Variants in SBF2 observed in about 807,000 individuals in gnomAD.
SBF2 encodes myotubularin-related protein 13.
SBF2 carries 112 observed loss-of-function variants against 225.2 expected under a neutral mutation model. The ratio of observed to expected loss-of-function variants is 0.50; its 90% confidence interval spans 0.43 to 0.58. The LOEUF is 0.58. Ranked by LOEUF, SBF2 falls within the 20% of genes least tolerant of loss-of-function variation. The pLI is 0.00. For missense variants in SBF2, 1,996 were observed against 2,206.2 expected, an observed-to-expected ratio of 0.90 and a Z score of 1.91; for synonymous variants, 763 against 773.3, an observed-to-expected ratio of 0.99 and a Z score of 0.22.
chr11:10,033,010 ACTAT>A (rs1474746825), intron 3 of SBF2, among the ~76,000 whole-genome samples: 1 of 152,208 alleles, frequency 6.6e-6, no homozygotes, highest in East Asian at 1.9e-4. Context: ...TCCAAAGGGA[ACTAT>A]CTGTTTAGTT....
At chr11:10,013,857 A>G (rs886664270) in intron 6 of SBF2, among the ~76,000 whole-genome samples, 1 of 152,148 alleles carries the variant, frequency 6.6e-6, no homozygotes, top group Non-Finnish European at 1.5e-5. Flanking sequence ...TCTACATAGC[A>G]GAGTCCTCCT....
At chr11:9,860,198 T>C (rs923096980) in intron 17 of SBF2, among the ~76,000 whole-genome samples, 7 of 152,162 alleles carry the variant, frequency 4.6e-5, no homozygotes, top group East Asian at 1.9e-4. Flanking sequence ...CTTCATTTTT[T>C]AGTCCTTTAC....
At chr11:9,821,489 C>T (rs947604869) in intron 28 of SBF2, among the ~76,000 whole-genome samples, 16 of 152,118 alleles carry the variant, frequency 1.1e-4, no homozygotes, top group African/African-American at 2.9e-4. Context: ...GAATTCTAAT[C>T]CCATCTGGAA....
intron 2 of SBF2, among the ~76,000 whole-genome samples, chr11:10,063,483 G>C (rs184754331): frequency 2.6e-5 from 4 of 151,102 alleles, no homozygotes; most frequent in African/African-American, 9.7e-5. Context: ...TCAGCCTCCC[G>C]AGTAGCTGGG....
At chr11:10,168,517 T>A (rs900273224) in intron 2 of SBF2, among the ~76,000 whole-genome samples, 1 of 152,138 alleles carries the variant, frequency 6.6e-6, no homozygotes, top group Non-Finnish European at 1.5e-5. Context: ...CTGTCACCAA[T>A]AGGAAACAGG....
chr11:10,196,858 ATATATATATT>A (rs1227528464), intron 1 of SBF2, among the ~76,000 whole-genome samples: 3 of 17,084 alleles, frequency 1.8e-4, no homozygotes, highest in African/African-American at 3.4e-4. Context: ...ATATATATAT[ATATATATATT>A]TTTTTTTTCC....
chr11:9,812,211 G>T (rs1854227341), intron 30 of SBF2, among the ~76,000 whole-genome samples: 1 of 152,102 alleles, frequency 6.6e-6, no homozygotes, highest in Admixed American at 6.5e-5. Context: ...TGACAACAGA[G>T]CAGGAGCCCT....
chr11:10,150,905 C>A (rs773869943), intron 2 of SBF2, among the ~76,000 whole-genome samples: 1 of 151,848 alleles, frequency 6.6e-6, no homozygotes, highest in African/African-American at 2.4e-5. Context: ...TAAGGATAAA[C>A]GTAGAACTGG....
chr11:10,220,640 C>T (rs1315316342), intron 1 of SBF2, among the ~76,000 whole-genome samples: 3 of 152,148 alleles, frequency 2.0e-5, no homozygotes, highest in African/African-American at 7.2e-5. Flanking sequence ...ATCATACTCA[C>T]ATTTAAAATG....
intron 2 of SBF2, among the ~76,000 whole-genome samples, chr11:10,177,765 G>A (rs1395980274): frequency 1.3e-5 from 2 of 150,964 alleles, no homozygotes; most frequent in Non-Finnish European, 2.9e-5. Flanking sequence ...TGGCCATACT[G>A]CCCAAGGTAA....
At chr11:10,193,751 C>T in intron 2 of SBF2, 151 bp downstream of exon 2, 1 of 675,962 alleles carries the variant, frequency 1.5e-6, no homozygotes. Context: ...ACTTGAGGGA[C>T]TAGGAGGGAA....
chr11:9,998,189 C>T (rs1453716258), intron 9 of SBF2, 77 bp downstream of exon 9: 1 of 868,898 alleles, frequency 1.2e-6, no homozygotes, highest in Non-Finnish European at 1.9e-6. Context: ...ACTGCATTGA[C>T]AAACATTTTT....
intron 2 of SBF2, among the ~76,000 whole-genome samples, chr11:10,133,085 C>T (rs959425254): frequency 6.7e-6 from 1 of 148,392 alleles, no homozygotes; most frequent in South Asian, 2.1e-4. Context: ...TAAAGGTTCT[C>T]CACTTCCTCA....
intron 2 of SBF2, among the ~76,000 whole-genome samples, chr11:10,133,954 A>G (rs1304394511): frequency 1.3e-5 from 2 of 152,240 alleles, no homozygotes; most frequent in African/African-American, 2.4e-5. Context: ...GATAGCAATG[A>G]TAGGAACATC....
intron 16 of SBF2, among the ~76,000 whole-genome samples, chr11:9,944,271 C>T (rs7938773): frequency 0.11 from 17,037 of 152,200 alleles, 1,077 homozygotes; most frequent in Non-Finnish European, 0.13. Context: ...AGAGTGAAAG[C>T]AGTTGCAGTA....
chr11:10,047,265 A>C (rs1260513699), intron 2 of SBF2, among the ~76,000 whole-genome samples: 1 of 152,192 alleles, frequency 6.6e-6, no homozygotes, highest in African/African-American at 2.4e-5. Flanking sequence ...GGATATTAAC[A>C]AAATGATCCT....
intron 33 of SBF2, 53 bp from the exon 34 acceptor site, chr11:9,790,736 C>A: frequency 2.1e-6 from 3 of 1,429,786 alleles, no homozygotes; most frequent in South Asian, 2.4e-5. Context: ...CACACTTTGC[C>A]AAAAAACGTA....
chr11:9,817,786 A>C (rs566481039), intron 28 of SBF2, among the ~76,000 whole-genome samples: 1 of 148,388 alleles, frequency 6.7e-6, no homozygotes, highest in East Asian at 2.0e-4. Flanking sequence ...AGACACCTGT[A>C]TTGGGAGGCT....
intron 2 of SBF2, among the ~76,000 whole-genome samples, chr11:10,055,878 T>C (rs2134734188): frequency 6.6e-6 from 1 of 152,250 alleles, no homozygotes; most frequent in Admixed American, 6.5e-5. Flanking sequence ...TTTACCATGA[T>C]ATAATCTTTC....
Sources: gnomAD v4.1 joint callset for allele counts (sites outside exome capture counted in the v4.1 genomes callset) on GRCh38, gnomAD v4.1.1 for gene constraint, MANE v1.5 for transcripts, NCBI Gene and HGNC (gene_info 2026-07-23, HGNC 2026-07-21) for gene names.